Variants in RTL9 observed in about 807,000 individuals in gnomAD.
RTL9 encodes the protein retrotransposon Gag like 9, also known as retrotransposon Gag-like protein 9.
Under a neutral mutation model 44.7 loss-of-function variants are expected in RTL9, and 19 were observed. The ratio of observed to expected loss-of-function variants is 0.42; its 90% confidence interval spans 0.30 to 0.62. The LOEUF (loss-of-function observed/expected upper bound fraction) is 0.62. Among genes scored for constraint, RTL9 ranks in the 20% least tolerant of loss-of-function variants. The pLI is 0.16. For missense variants in RTL9, 1,105 were observed against 1,080.6 expected, an observed-to-expected ratio of 1.02 and a Z score of -0.32; for synonymous variants, 407 against 398.9, an observed-to-expected ratio of 1.02 and a Z score of -0.24.
rs1224986653 is a variant in RTL9, at chrX:110,381,509, G to C, written c.-168+22593G>C. On this transcript the variant is annotated intron_variant, in intron 1 of 2. Transcript: ENST00000520821. ...GTTAGTTCAGCCCCTGTGGAAAGCA[G>C]TTAAAGATTTCTCAAAGATCTAAAA... is the stretch of plus-strand genomic sequence containing the variant. 3.6e-5 allele frequency among the ~76,000 whole-genome samples: 4 copies of C among 111,907 alleles called. No homozygotes were observed. The Admixed American group carries it at 3.8e-4, about 11-fold the overall frequency.
chrX:110,413,632 C>A (rs750808116), intron 1 of RTL9, among the ~76,000 whole-genome samples: 30 of 107,691 alleles, frequency 2.8e-4, no homozygotes, highest in Non-Finnish European at 5.8e-4. Context: ...ATGTACAGGA[C>A]ACACTCTCAT....
chrX:110,376,549 G>A (rs192227787), intron 1 of RTL9, among the ~76,000 whole-genome samples: 7 of 112,134 alleles, frequency 6.2e-5, no homozygotes, highest in African/African-American at 1.9e-4. Context: ...TTTGGAGAGA[G>A]CCATGGTGCC....
At chrX:110,389,511 T>A (rs1248487618) in intron 1 of RTL9, among the ~76,000 whole-genome samples, 1 of 112,327 alleles carries the variant, frequency 8.9e-6, no homozygotes, top group Non-Finnish European at 1.9e-5. Flanking sequence ...CCTTTGCAAA[T>A]GGTAGCAGCC....
chrX:110,451,675 C>T (rs1603023011), exon 1 of RTL9: 1 of 1,209,759 alleles, frequency 8.3e-7, no homozygotes, highest in East Asian at 3.0e-5. Context: ...CTAATGACGG[C>T]CCTACCCTCT....
intron 1 of RTL9, among the ~76,000 whole-genome samples, chrX:110,435,292 C>T (rs1221173626): frequency 2.7e-5 from 3 of 111,628 alleles, no homozygotes; most frequent in Non-Finnish European, 5.7e-5. Flanking sequence ...TATCTTCTAA[C>T]AAAACCTAAT....
chrX:110,385,245 T>C (rs2068447179), intron 1 of RTL9, among the ~76,000 whole-genome samples: 1 of 111,546 alleles, frequency 9.0e-6, no homozygotes, highest in Non-Finnish European at 1.9e-5. Context: ...TTTGTGAGGG[T>C]TAAATGAGTT....
intron 1 of RTL9, among the ~76,000 whole-genome samples, chrX:110,424,587 G>A (rs1190298637): frequency 8.9e-6 from 1 of 112,131 alleles, no homozygotes; most frequent in Admixed American, 9.4e-5. Context: ...TATTAGATAA[G>A]CAACCTATGG....
chrX:110,392,760 A>G (rs1193056848), intron 1 of RTL9, among the ~76,000 whole-genome samples: 1 of 112,368 alleles, frequency 8.9e-6, no homozygotes, highest in Non-Finnish European at 1.9e-5. Context: ...AAGTGACTCA[A>G]TTGATGTACC....
intron 1 of RTL9, among the ~76,000 whole-genome samples, chrX:110,388,532 T>C: frequency 8.9e-6 from 1 of 111,798 alleles, no homozygotes; most frequent in Middle Eastern, 4.6e-3. Context: ...GTTTTCTGAA[T>C]GTTAAGAGGA....
chrX:110,413,174 C>T (rs2068652949), intron 1 of RTL9, among the ~76,000 whole-genome samples: 1 of 111,243 alleles, frequency 9.0e-6, no homozygotes, highest in African/African-American at 3.3e-5. Flanking sequence ...TCACTCTTCT[C>T]AGTACCCTCT....
At chrX:110,360,960 C>T (rs988291723) in intron 1 of RTL9, among the ~76,000 whole-genome samples, 3 of 111,501 alleles carry the variant, frequency 2.7e-5, no homozygotes, top group Non-Finnish European at 5.7e-5. Flanking sequence ...AGTGATGCTC[C>T]GATCTTCGTG....
intron 1 of RTL9, among the ~76,000 whole-genome samples, chrX:110,427,603 T>A (rs1343507812): frequency 1.8e-5 from 2 of 111,846 alleles, no homozygotes; most frequent in East Asian, 5.6e-4. Flanking sequence ...AGTAATTAAA[T>A]CAGTTTCTAG....
upstream of RTL9, among the ~76,000 whole-genome samples, chrX:110,417,752 C>T (rs1326641673): frequency 2.7e-5 from 3 of 112,461 alleles, no homozygotes; most frequent in Non-Finnish European, 5.6e-5. Flanking sequence ...TTACTGAGCT[C>T]TGGAGGCCAA....
intron 1 of RTL9, among the ~76,000 whole-genome samples, chrX:110,429,458 G>GTTTTTTTTTTTTTTTTTTTTTTTT (rs554736940): frequency 2.5e-5 from 2 of 80,911 alleles, no homozygotes; most frequent in Admixed American, 1.3e-4. Context: ...GAGAAAAAGT[G>GTTTTTTTTTTTTTTTTTTTTTTTT]TTTTTTTTTT....
intron 1 of RTL9, among the ~76,000 whole-genome samples, chrX:110,392,892 T>G (rs1329713752): frequency 8.9e-6 from 1 of 111,976 alleles, no homozygotes; most frequent in East Asian, 2.8e-4. Flanking sequence ...GGTATGTATA[T>G]GTGAGTTTGA....
At chrX:110,365,852 G>A (rs928858685) in intron 1 of RTL9, among the ~76,000 whole-genome samples, 3 of 112,118 alleles carry the variant, frequency 2.7e-5, no homozygotes, top group Non-Finnish European at 5.6e-5. Flanking sequence ...CTGACACAAG[G>A]AAGTGGTTAG....
At chrX:110,452,744 A>T in exon 1 of RTL9, 1 of 1,210,056 alleles carries the variant, frequency 8.3e-7, no homozygotes, top group Non-Finnish European at 1.1e-6. Context: ...CTGCCTCACT[A>T]ATGAGAGCCA....
intron 1 of RTL9, among the ~76,000 whole-genome samples, chrX:110,360,547 T>G (rs2148248908): frequency 9.0e-6 from 1 of 111,449 alleles, no homozygotes; most frequent in Admixed American, 9.5e-5. Context: ...ATGTCAGGGT[T>G]TGGTAATAGA....
chrX:110,419,992 C>T (rs979882210), intron 1 of RTL9, among the ~76,000 whole-genome samples: 3 of 111,752 alleles, frequency 2.7e-5, no homozygotes, highest in Non-Finnish European at 3.8e-5. Flanking sequence ...GGAATTGAGG[C>T]TCTGGGATGT....
Sources: gnomAD v4.1 joint callset for allele counts (sites outside exome capture counted in the v4.1 genomes callset) on GRCh38, gnomAD v4.1.1 for gene constraint, MANE v1.5 for transcripts, NCBI Gene and HGNC (gene_info 2026-07-23, HGNC 2026-07-21) for gene names.